Variants in ST18 observed in about 807,000 individuals in gnomAD.
ST18 encodes the protein ST18 C2H2C-type zinc finger transcription factor, also known as suppression of tumorigenicity 18 protein.
Under a neutral mutation model 110.0 loss-of-function variants are expected in ST18, and 50 were observed. The observed-to-expected ratio is 0.45, with a 90% CI of 0.36 to 0.58. ST18 has a LOEUF of 0.58. ST18 is among the 20% of genes least tolerant of loss of function. The probability of loss-of-function intolerance (pLI) is 0.00; values close to 1 mark genes in which losing one functional copy is unlikely to be tolerated. For synonymous variants in ST18, 461 were observed against 452.4 expected (o/e 1.02, Z -0.24); for missense variants, 1,306 against 1,280.1 (o/e 1.02, Z -0.31).
In ST18 at chr8:52,409,409, T is replaced by G. The variant is rs904688956; in HGVS notation, c.-546A>C. 2 of 152,242 alleles carry G rather than the reference T, an allele frequency of 1.3e-5. No individual in the cohort carries two copies. The highest frequency in any genetic ancestry group is 4.8e-5 in the African/African-American group (2 of 41,464). The allele number at this position is 152,242 out of a possible 1,614,324, so 9.4% of individuals were successfully genotyped here. A position where few individuals can be genotyped will look rare whatever the true frequency, so the allele number is the denominator to read the frequency against. On this transcript the variant is annotated 5_prime_UTR_variant, in exon 2 of 26. Coordinates refer to ENST00000689386, the MANE Select transcript of ST18 (RefSeq NM_001352837.2). ...CCAAAATGCTCTTATGCTATTTCTC[T>G]TAGGATTTCTCCACGCTGCCCCATT...
chr8:52,296,989 T>C (rs2095645714), intron 2 of ST18, among the ~76,000 whole-genome samples: 2 of 152,170 alleles, frequency 1.3e-5, no homozygotes, highest in South Asian at 4.1e-4. Context: ...TAATATGGTT[T>C]TTATAAGAAT....
chr8:52,115,890 T>C (rs1486335873), intron 25 of ST18, among the ~76,000 whole-genome samples: 1 of 152,170 alleles, frequency 6.6e-6, no homozygotes, highest in Non-Finnish European at 1.5e-5. Context: ...CATTTTTGGT[T>C]ACAGTTCCTG....
Position 52,132,149 on chromosome 8 carries a change from A to G in ST18, c.2475T>C (p.Gly825=), listed in dbSNP as rs899493101. 6 of 1,613,458 alleles carry G rather than the reference A, an allele frequency of 3.7e-6. No homozygotes were observed. In the Admixed American group the frequency reaches 8.3e-5, roughly 22 times the overall value. The change falls in exon 22 of 26, where the codon GGT becomes GGC. Residue 825 remains glycine, a synonymous_variant. Coordinates refer to ENST00000689386, the MANE Select transcript of ST18 (RefSeq NM_001352837.2). Reference sequence around the variant, plus strand: ...GTGATGTGTATTTACCTGATATGTGACCTTGGCCATCACACCCTATCACAG... The same window carrying G: ...GTGATGTGTATTTACCTGATATGTGGCCTTGGCCATCACACCCTATCACAG... ...KCPVIGCDGQ[G]HISGKYTSHR...
At chr8:52,274,298 T>A (rs1011748563) in intron 2 of ST18, among the ~76,000 whole-genome samples, 1 of 152,134 alleles carries the variant, frequency 6.6e-6, no homozygotes, top group African/African-American at 2.4e-5. Flanking sequence ...TCAAAAAAGG[T>A]TAACATAAAA....
At chr8:52,195,269 G>A (rs1420623259) in intron 8 of ST18, among the ~76,000 whole-genome samples, 2 of 152,156 alleles carry the variant, frequency 1.3e-5, no homozygotes, top group Non-Finnish European at 2.9e-5. Context: ...TCAAGATACT[G>A]AAAGAATTCA....
intron 2 of ST18, among the ~76,000 whole-genome samples, chr8:52,388,926 T>C (rs940393266): frequency 1.5e-4 from 22 of 147,704 alleles, no homozygotes; most frequent in Non-Finnish European, 2.1e-4. Context: ...GTAACTAACC[T>C]GCACATTGTG....
chr8:52,226,847 T>C (rs555432196), intron 3 of ST18, among the ~76,000 whole-genome samples: 1 of 152,358 alleles, frequency 6.6e-6, no homozygotes, highest in South Asian at 2.1e-4. Context: ...TATTTCATTA[T>C]GTAGATTATT....
In ST18 at chr8:52,292,849, C is replaced by G. The variant is rs149581796; in HGVS notation, c.-464-62772G>C. Reference sequence around the variant, plus strand: ...AGTGTTTAGAAATTGGCCTGTCAATCAATTCGGTCTCCTCCCTTCCAATAA... The same window carrying G: ...AGTGTTTAGAAATTGGCCTGTCAATGAATTCGGTCTCCTCCCTTCCAATAA... On this transcript the variant is annotated intron_variant, in intron 2 of 25. Transcript: ENST00000689386. Among the ~76,000 whole-genome samples, 877 of 152,286 alleles carry G rather than the reference C, an allele frequency of 5.8e-3. 5 individuals carry two copies. The highest frequency in any genetic ancestry group is 0.02 in the African/African-American group (832 of 41,542).
intron 2 of ST18, among the ~76,000 whole-genome samples, chr8:52,242,218 G>A (rs1410904501): frequency 2.6e-5 from 4 of 152,204 alleles, no homozygotes; most frequent in Non-Finnish European, 4.4e-5. Context: ...ATATTACAGT[G>A]TGTCTAAACA....
chr8:52,389,416 A>C (rs754535075), intron 2 of ST18, among the ~76,000 whole-genome samples: 2 of 152,156 alleles, frequency 1.3e-5, no homozygotes, highest in Non-Finnish European at 2.9e-5. Flanking sequence ...TGATGATATT[A>C]AAAGAGGAAA....
At chr8:52,212,032 T>G (rs2082338247) in intron 8 of ST18, 47 bp downstream of exon 8, 1 of 1,569,768 alleles carries the variant, frequency 6.4e-7, no homozygotes, top group Non-Finnish European at 8.7e-7. Context: ...ATTCGAATAA[T>G]CAAGGCCCAT....
At chr8:52,400,276 A>G (rs1456844208) in intron 2 of ST18, among the ~76,000 whole-genome samples, 1 of 151,908 alleles carries the variant, frequency 6.6e-6, no homozygotes, top group Non-Finnish European at 1.5e-5. Flanking sequence ...CACTCCCTTC[A>G]CTTTCAGCCT....
intron 5 of ST18, among the ~76,000 whole-genome samples, chr8:52,218,292 A>G (rs567969120): frequency 3.3e-5 from 5 of 152,018 alleles, no homozygotes; most frequent in African/African-American, 9.6e-5. Context: ...GGTGACCACA[A>G]TGTTTTGAGG....
intron 19 of ST18, 133 bp from the exon 20 acceptor site, chr8:52,133,434 G>C: frequency 1.0e-6 from 1 of 963,028 alleles, no homozygotes; most frequent in East Asian, 2.6e-5. Context: ...GAGGGAGGCG[G>C]GGTCACACAG....
chr8:52,300,523 A>G (rs1366991704), intron 2 of ST18, among the ~76,000 whole-genome samples: 1 of 152,194 alleles, frequency 6.6e-6, no homozygotes, highest in African/African-American at 2.4e-5. Flanking sequence ...GACATAGACT[A>G]GGAGTTGGCA....
intron 2 of ST18, among the ~76,000 whole-genome samples, chr8:52,238,187 T>C (rs2092944105): frequency 6.6e-6 from 1 of 152,190 alleles, no homozygotes; most frequent in Non-Finnish European, 1.5e-5. Context: ...AGTTTCTATA[T>C]AATCCAACAA....
At chr8:52,315,828 C>A (rs1351261846) in intron 2 of ST18, among the ~76,000 whole-genome samples, 1 of 152,180 alleles carries the variant, frequency 6.6e-6, no homozygotes, top group Non-Finnish European at 1.5e-5. Flanking sequence ...ATATACCTCC[C>A]TATTATTTGC....
At chr8:52,210,071 G>T (rs1349991609) in intron 8 of ST18, 1 of 455,832 alleles carries the variant, frequency 2.2e-6, no homozygotes, top group Admixed American at 2.4e-5. Flanking sequence ...AAGGACTCTG[G>T]TGTCCCTCAC....
chr8:52,341,061 T>C (rs189587207), intron 2 of ST18, among the ~76,000 whole-genome samples: 11 of 152,290 alleles, frequency 7.2e-5, no homozygotes, highest in Middle Eastern at 3.4e-3. Context: ...GGAAAGTCTA[T>C]TCTCTTCTAA....
Sources: gnomAD v4.1 joint callset for allele counts (sites outside exome capture counted in the v4.1 genomes callset) on GRCh38, gnomAD v4.1.1 for gene constraint, MANE v1.5 for transcripts, NCBI Gene and HGNC (gene_info 2026-07-23, HGNC 2026-07-21) for gene names.